The following PSD3 variants were observed in gnomAD, a reference collection of about 807,000 sequenced individuals.
PSD3 encodes pleckstrin and Sec7 domain containing 3, also known as PH and SEC7 domain-containing protein 3.
A neutral mutation model predicts 105.5 loss-of-function variants in PSD3; 49 were observed. The ratio of observed to expected loss-of-function variants is 0.46; its 90% CI spans 0.37 to 0.59. PSD3 has a LOEUF of 0.59. Ranked by LOEUF, PSD3 falls within the 20% of genes least tolerant of loss-of-function variation. The probability of loss-of-function intolerance (pLI) is 0.00; values close to 1 mark genes in which losing one functional copy is unlikely to be tolerated. For missense variants in PSD3, 1,561 were observed against 1,263.8 expected (o/e 1.24, Z -3.57); for synonymous variants, 557 against 457.8 (o/e 1.22, Z -2.77).
chr8:18,774,071 G>T (rs1585924987), intron 8 of PSD3, among the ~76,000 whole-genome samples: 2 of 152,120 alleles, frequency 1.3e-5, no homozygotes, highest in South Asian at 4.2e-4. Flanking sequence ...CTTGTATTTT[G>T]CAGCCTTGCT....
At chr8:19,064,762 C>T (rs535599007) in intron 1 of PSD3, among the ~76,000 whole-genome samples, 2 of 152,264 alleles carry the variant, frequency 1.3e-5, no homozygotes, top group South Asian at 4.1e-4. Flanking sequence ...GAATTAAAAA[C>T]AAGAACTTGC....
At chr8:18,578,998 G>C (rs1049846095) in intron 12 of PSD3, among the ~76,000 whole-genome samples, 1 of 151,780 alleles carries the variant, frequency 6.6e-6, no homozygotes, top group African/African-American at 2.4e-5. Context: ...TTTTCTAGTT[G>C]ATAATACAAT....
intron 1 of PSD3, among the ~76,000 whole-genome samples, chr8:19,033,062 C>G (rs565334546): frequency 9.9e-4 from 151 of 151,998 alleles, no homozygotes; most frequent in African/African-American, 3.4e-3. Flanking sequence ...CTGGGCAAGA[C>G]TGAACATAGC....
chr8:18,716,082 C>A (rs1021824378), intron 9 of PSD3, among the ~76,000 whole-genome samples: 2 of 152,136 alleles, frequency 1.3e-5, no homozygotes, highest in Non-Finnish European at 2.9e-5. Flanking sequence ...AGAGGATGGC[C>A]ATGGCCCAAT....
chr8:18,975,464 G>A (rs1455233128), intron 1 of PSD3, among the ~76,000 whole-genome samples: 1 of 152,114 alleles, frequency 6.6e-6, no homozygotes, highest in Non-Finnish European at 1.5e-5. Flanking sequence ...AGCGTTTGTA[G>A]CCGATTTCTG....
chr8:18,639,706 A>G (rs1053622336), intron 10 of PSD3, among the ~76,000 whole-genome samples: 1 of 152,142 alleles, frequency 6.6e-6, no homozygotes, highest in African/African-American at 2.4e-5. Context: ...CCTTGATCTC[A>G]GTGATCAAGA....
At chr8:18,923,325 C>A (rs1314607333) in intron 2 of PSD3, among the ~76,000 whole-genome samples, 1 of 152,158 alleles carries the variant, frequency 6.6e-6, no homozygotes, top group South Asian at 2.1e-4. Flanking sequence ...GACAAGGTAG[C>A]CCCATTCTAA....
At chr8:18,689,668 T>A (rs1800862551) in intron 9 of PSD3, among the ~76,000 whole-genome samples, 1 of 152,212 alleles carries the variant, frequency 6.6e-6, no homozygotes, top group Non-Finnish European at 1.5e-5. Flanking sequence ...TTGCTTGTAC[T>A]GAAACAGAGT....
At chr8:18,574,411 T>C (rs903638843) in intron 13 of PSD3, among the ~76,000 whole-genome samples, 1 of 152,198 alleles carries the variant, frequency 6.6e-6, no homozygotes, top group African/African-American at 2.4e-5. Flanking sequence ...AGTTTCTTTA[T>C]GCCCAATAGC....
chr8:18,947,900 TC>T lies in PSD3; in HGVS notation c.22-11759del, dbSNP rs555195357. ...GTACACATTCATTTGTAATAAAGCCTCCCATAAAACTAAAGTAGGATAGAGG... is the reference window on the plus strand; with the variant it reads ...GTACACATTCATTTGTAATAAAGCCTCCATAAAACTAAAGTAGGATAGAGG... On this transcript the variant is annotated intron_variant, in intron 1 of 15. Transcript: ENST00000327040. Among the ~76,000 whole-genome samples, 281 of 152,258 alleles carry T rather than the reference TC, an allele frequency of 1.8e-3. 5 individuals carry two copies. Among genetic ancestry groups the T allele is most frequent in the African/African-American group, 6.3e-3 (262 of 41,554 alleles).
intron 9 of PSD3, among the ~76,000 whole-genome samples, chr8:18,704,499 G>A (rs181520419): frequency 5.9e-5 from 9 of 152,226 alleles, no homozygotes; most frequent in African/African-American, 1.7e-4. Flanking sequence ...CACCACACTC[G>A]GCTAATTTTT....
chr8:18,743,099 C>T (rs929080423), intron 9 of PSD3, among the ~76,000 whole-genome samples: 1 of 152,166 alleles, frequency 6.6e-6, no homozygotes. Context: ...AGTTGCTATG[C>T]ATACTTCTTC....
chr8:18,781,302 C>A (rs1808599069), intron 8 of PSD3, among the ~76,000 whole-genome samples: 1 of 152,192 alleles, frequency 6.6e-6, no homozygotes, highest in Non-Finnish European at 1.5e-5. Flanking sequence ...TCCTACACAG[C>A]CCTTCTGATG....
intron 2 of PSD3, among the ~76,000 whole-genome samples, chr8:18,902,156 T>C (rs1819546626): frequency 6.6e-6 from 1 of 152,126 alleles, no homozygotes; most frequent in Non-Finnish European, 1.5e-5. Context: ...TGCTTTTTTC[T>C]TTCTGTTTTC....
At chr8:18,719,223 A>C (rs1175039258) in intron 9 of PSD3, among the ~76,000 whole-genome samples, 1 of 152,204 alleles carries the variant, frequency 6.6e-6, no homozygotes, top group Non-Finnish European at 1.5e-5. Context: ...TGAGATTGTC[A>C]AAGTGAAAAG....
chr8:18,939,515 C>CTTTT (rs78721400), intron 1 of PSD3, among the ~76,000 whole-genome samples: 1 of 139,002 alleles, frequency 7.2e-6, no homozygotes, highest in Non-Finnish European at 1.6e-5. Context: ...AGAAACATAG[C>CTTTT]TTTTTTTTTT....
At chr8:19,052,483 A>G (rs968350858) in intron 1 of PSD3, among the ~76,000 whole-genome samples, 43 of 151,974 alleles carry the variant, frequency 2.8e-4, no homozygotes, top group Admixed American at 2.6e-3. Flanking sequence ...AAAAAAAAAA[A>G]AAGAAAAAGA....
intron 2 of PSD3, among the ~76,000 whole-genome samples, chr8:18,921,919 C>G (rs1050255169): frequency 6.6e-6 from 1 of 152,170 alleles, no homozygotes; most frequent in Non-Finnish European, 1.5e-5. Flanking sequence ...TGGCATTCCT[C>G]AAATTCAGCA....
chr8:18,651,168 GAACTGGGTCCCC>G (rs1271294293), intron 10 of PSD3, among the ~76,000 whole-genome samples: 7 of 152,212 alleles, frequency 4.6e-5, no homozygotes, highest in African/African-American at 2.4e-5. Flanking sequence ...TAAGGAAGCA[GAACTGGGTCCCC>G]AACAATTTTC....
Sources: gnomAD v4.1 joint callset for allele counts (sites outside exome capture counted in the v4.1 genomes callset) on GRCh38, gnomAD v4.1.1 for gene constraint, MANE v1.5 for transcripts, NCBI Gene and HGNC (gene_info 2026-07-23, HGNC 2026-07-21) for gene names.